ANKRD55: variants seen among roughly 807,000 people sequenced by gnomAD.
ANKRD55 encodes ankyrin repeat domain 55, also known as ankyrin repeat domain-containing protein 55.
A neutral mutation model predicts 60.6 loss-of-function variants in ANKRD55; 41 were observed. The ratio of observed to expected loss-of-function variants is 0.68; its 90% CI spans 0.53 to 0.88. The LOEUF (loss-of-function observed/expected upper bound fraction) is 0.88, where lower values mean the gene tolerates loss of function less well. Ranked by LOEUF, ANKRD55 falls within the 40% of genes least tolerant of loss-of-function variation. The probability of loss-of-function intolerance (pLI) is 0.00; values close to 1 mark genes in which losing one functional copy is unlikely to be tolerated. For missense variants in ANKRD55, 732 were observed against 767.6 expected (o/e 0.95, Z 0.55); for synonymous variants, 264 against 290.3 (o/e 0.91, Z 0.92).
intron 2 of ANKRD55, among the ~76,000 whole-genome samples, chr5:56,227,159 T>C (rs1760135051): frequency 6.6e-6 from 1 of 151,752 alleles, no homozygotes; most frequent in African/African-American, 2.4e-5. Context: ...TATGCAGCCA[T>C]AAAAAAGGAT....
intron 4 of ANKRD55, among the ~76,000 whole-genome samples, chr5:56,174,240 A>C (rs929380555): frequency 6.6e-6 from 1 of 152,206 alleles, no homozygotes; most frequent in Non-Finnish European, 1.5e-5. Flanking sequence ...ACCGTGATTT[A>C]GAGGAGTACT....
chr5:56,147,279 C>G (rs1422200419), intron 6 of ANKRD55, among the ~76,000 whole-genome samples: 2 of 152,186 alleles, frequency 1.3e-5, no homozygotes, highest in Admixed American at 1.3e-4. Flanking sequence ...ACTTGTTTCT[C>G]TGACTCTGGA....
In ANKRD55 at chr5:56,134,098, G is replaced by C. The variant is rs1023513512; in HGVS notation, c.613-6992C>G. On this transcript the variant is annotated intron_variant, in intron 7 of 11. Coordinates refer to ENST00000341048, the MANE Select transcript of ANKRD55 (RefSeq NM_024669.3). ...GAGGGAAACAAATTACTTAATATCA[G>C]AAATGAAAAAAGGTACTTCACTACA... 1.2e-4 allele frequency among the ~76,000 whole-genome samples: 14 copies of C among 113,174 alleles called. 4 individuals are homozygous for C. The highest frequency in any genetic ancestry group is 1.9e-4 in the Non-Finnish European group (9 of 48,054). The allele number at this position is 113,174 out of a possible 152,430, so 74.2% of individuals were successfully genotyped here.
chr5:56,136,486 G>A (rs114253142), intron 7 of ANKRD55, among the ~76,000 whole-genome samples: 2,143 of 152,270 alleles, frequency 0.014, 42 homozygotes, highest in Admixed American at 0.041. Flanking sequence ...AAGAGTAAAA[G>A]CAATACAATA....
In ANKRD55 at chr5:56,161,482, T is replaced by G. The variant is rs147044943; in HGVS notation, c.423-1589A>C. 2.0e-5 allele frequency among the ~76,000 whole-genome samples: 3 copies of G among 152,374 alleles called. No homozygotes were observed. In the East Asian group the frequency reaches 5.8e-4, roughly 29 times the overall value. ...ATCTAAAGCCCTAAGTATTAAATTGTTACTTGCAATAGAAGAAAAGAAAGA... is the reference window on the plus strand; with the variant it reads ...ATCTAAAGCCCTAAGTATTAAATTGGTACTTGCAATAGAAGAAAAGAAAGA... On this transcript the variant is annotated intron_variant, in intron 5 of 11. Transcript: ENST00000341048.
intron 2 of ANKRD55, among the ~76,000 whole-genome samples, chr5:56,208,420 T>G (rs1426144369): frequency 6.6e-6 from 1 of 151,584 alleles, no homozygotes. Context: ...AAAATATTTA[T>G]TTATTTATTT....
intron 2 of ANKRD55, among the ~76,000 whole-genome samples, chr5:56,217,798 A>G (rs1759853902): frequency 6.6e-6 from 1 of 151,904 alleles, no homozygotes; most frequent in East Asian, 1.9e-4. Context: ...TGGGAGGCTG[A>G]GGCAGGAGAA....
rs1371393773 is a variant in ANKRD55, at chr5:56,116,768, C to T, written c.812G>A (p.Trp271Ter). 1.9e-6 allele frequency: 3 copies of T among 1,611,562 alleles called. No individual in the cohort carries two copies. Among genetic ancestry groups the T allele is most frequent in the African/African-American group, 2.7e-5 (2 of 74,792 alleles). ...TTCGGCCTTCCCTGCAGCTGCAGCC[C>T]AGTGCAGAGGTGTCCTGGAGGGGCC... Reference protein sequence around the residue: ...LDVDDRTPLHWAAAAGKAECV... With the variant: ...LDVDDRTPLH The change falls in exon 9 of 12, where the codon TGG (tryptophan) becomes TAG (stop). Residue 271 changes from tryptophan to a stop codon, truncating the protein, a stop_gained. Coordinates refer to ENST00000341048, the MANE Select transcript of ANKRD55 (RefSeq NM_024669.3). LOFTEE classifies it high-confidence loss of function.
At chr5:56,188,213 G>T (rs58479868) in intron 2 of ANKRD55, among the ~76,000 whole-genome samples, 4 of 152,134 alleles carry the variant, frequency 2.6e-5, no homozygotes, top group African/African-American at 9.6e-5. Context: ...GCAATGATAC[G>T]TTTGATATGT....
At chr5:56,182,440 C>G (rs1157551130) in intron 3 of ANKRD55, among the ~76,000 whole-genome samples, 1 of 151,984 alleles carries the variant, frequency 6.6e-6, no homozygotes, top group Non-Finnish European at 1.5e-5. Flanking sequence ...TTTGGTTTTT[C>G]CTTATGTCTT....
At chr5:56,200,982 T>C (rs1349051865) in intron 2 of ANKRD55, among the ~76,000 whole-genome samples, 1 of 152,200 alleles carries the variant, frequency 6.6e-6, no homozygotes, top group African/African-American at 2.4e-5. Context: ...TCATCTACCA[T>C]ATGCTAGTAA....
intron 2 of ANKRD55, among the ~76,000 whole-genome samples, chr5:56,210,243 T>A (rs746933976): frequency 2.0e-5 from 3 of 152,156 alleles, no homozygotes; most frequent in Non-Finnish European, 2.9e-5. Context: ...GAATTATCTG[T>A]TGGTATCCTT....
intron 2 of ANKRD55, among the ~76,000 whole-genome samples, chr5:56,188,857 T>G (rs11955368): frequency 0.017 from 2,626 of 152,314 alleles, 41 homozygotes; most frequent in Non-Finnish European, 0.026. Context: ...AAAAAGAACT[T>G]GGAGTTTTAG....
intron 2 of ANKRD55, among the ~76,000 whole-genome samples, chr5:56,225,031 A>G (rs1760070622): frequency 6.6e-6 from 1 of 152,216 alleles, no homozygotes; most frequent in Non-Finnish European, 1.5e-5. Context: ...ACACAACAAA[A>G]AAAGAGAATT....
At chr5:56,229,098 T>G (rs1246971987) in intron 2 of ANKRD55, among the ~76,000 whole-genome samples, 1 of 149,766 alleles carries the variant, frequency 6.7e-6, no homozygotes. Context: ...CGCCTGTTTT[T>G]TTTTTTTTTT....
chr5:56,194,868 T>C (rs1759194264), intron 2 of ANKRD55, among the ~76,000 whole-genome samples: 1 of 152,194 alleles, frequency 6.6e-6, no homozygotes, highest in Non-Finnish European at 1.5e-5. Context: ...TTAAACTCTT[T>C]CTAACTACAT....
intron 8 of ANKRD55, among the ~76,000 whole-genome samples, chr5:56,119,046 A>C (rs543804415): frequency 1.1e-4 from 16 of 152,350 alleles, no homozygotes; most frequent in African/African-American, 3.4e-4. Context: ...CATACTTATA[A>C]CCTACAAATC....
intron 7 of ANKRD55, among the ~76,000 whole-genome samples, chr5:56,130,999 C>T (rs1440329803): frequency 6.6e-6 from 1 of 151,728 alleles, no homozygotes; most frequent in African/African-American, 2.4e-5. Context: ...GAGAGAACTA[C>T]AAAAGGTGTA....
intron 2 of ANKRD55, among the ~76,000 whole-genome samples, chr5:56,198,420 G>A (rs1230281655): frequency 6.6e-6 from 1 of 151,828 alleles, no homozygotes; most frequent in African/African-American, 2.4e-5. Context: ...CGAGTAGCTG[G>A]GGTTACAGGC....
Sources: gnomAD v4.1 joint callset for allele counts (sites outside exome capture counted in the v4.1 genomes callset) on GRCh38, gnomAD v4.1.1 for gene constraint, MANE v1.5 for transcripts, NCBI Gene and HGNC (gene_info 2026-07-23, HGNC 2026-07-21) for gene names.